The following RTL4 variants were observed in gnomAD, a reference collection of about 807,000 sequenced individuals.
The protein encoded by RTL4 is retrotransposon Gag-like protein 4.
In RTL4, 4 loss-of-function variants were observed where a neutral mutation model predicts 5.3. The observed-to-expected ratio is 0.75, with a 90% confidence interval of 0.37 to 1.72. RTL4 has a LOEUF of 1.72. Ranked by LOEUF, RTL4 falls within the 40% of genes most tolerant of loss-of-function variation. RTL4 has a pLI of 0.04. For missense variants in RTL4, 260 were observed against 227.1 expected, an observed-to-expected ratio of 1.14 and a Z score of -0.93; for synonymous variants, 98 against 87.3, an observed-to-expected ratio of 1.12 and a Z score of -0.68.
At chrX:112,114,375 G>A in the RTL4 span, among the ~76,000 whole-genome samples, 458 of 111,549 alleles carry the variant, frequency 4.1e-3, 1 homozygote, top group Non-Finnish European at 5.1e-3. Context: ...CTAAGATACC[G>A]GGTATCTCCA....
the RTL4 span, among the ~76,000 whole-genome samples, chrX:112,099,873 G>A: frequency 9.0e-6 from 1 of 111,551 alleles, no homozygotes; most frequent in Non-Finnish European, 1.9e-5. Flanking sequence ...AAGAAAATTT[G>A]CGATACATAT....
chrX:112,124,016 G>C, the RTL4 span, among the ~76,000 whole-genome samples: 3 of 110,989 alleles, frequency 2.7e-5, no homozygotes, highest in Non-Finnish European at 5.7e-5. Flanking sequence ...TAAAAAAGTG[G>C]GCAAAGGATA....
At chrX:112,125,126 G>A in the RTL4 span, among the ~76,000 whole-genome samples, 3 of 106,470 alleles carry the variant, frequency 2.8e-5, no homozygotes, top group Non-Finnish European at 5.8e-5. Context: ...GGCTGGTCTC[G>A]AACTCCTGAT....
chrX:112,270,772 G>A, the RTL4 span, among the ~76,000 whole-genome samples: 1 of 110,514 alleles, frequency 9.0e-6, no homozygotes, highest in Admixed American at 9.8e-5. Flanking sequence ...GAAGGAGGGT[G>A]CATCCAAAGT....
At chrX:112,444,228 C>T in the RTL4 span, among the ~76,000 whole-genome samples, 1 of 111,621 alleles carries the variant, frequency 9.0e-6, no homozygotes, top group African/African-American at 3.2e-5. Context: ...GTTCCTGGCA[C>T]ATTTGTGAAA....
At chrX:112,120,407 G>T in the RTL4 span, among the ~76,000 whole-genome samples, 2 of 111,211 alleles carry the variant, frequency 1.8e-5, no homozygotes, top group Admixed American at 1.9e-4. Flanking sequence ...CTCCCAAGTA[G>T]CTGGGACTAC....
chrX:112,127,808 A>G, the RTL4 span, among the ~76,000 whole-genome samples: 1 of 112,106 alleles, frequency 8.9e-6, no homozygotes, highest in Non-Finnish European at 1.9e-5. Context: ...TTAAGAAAAT[A>G]ATTCAATTTA....
chrX:112,301,672 A>G, the RTL4 span, among the ~76,000 whole-genome samples: 1 of 110,974 alleles, frequency 9.0e-6, no homozygotes, highest in Admixed American at 9.6e-5. Context: ...AGCTAAAAGC[A>G]TTAGCTTTGG....
At chrX:112,447,172 C>A in the RTL4 span, among the ~76,000 whole-genome samples, 12 of 111,871 alleles carry the variant, frequency 1.1e-4, no homozygotes, top group Non-Finnish European at 2.3e-4. Flanking sequence ...AAGTCACTTG[C>A]TCCATACCAA....
the RTL4 span, among the ~76,000 whole-genome samples, chrX:112,227,120 C>T: frequency 3.8e-4 from 42 of 110,937 alleles, 1 homozygote; most frequent in Non-Finnish European, 1.3e-4. Context: ...GGTGATTCAG[C>T]CTCACCCCAA....
the RTL4 span, among the ~76,000 whole-genome samples, chrX:112,445,107 A>T: frequency 9.0e-6 from 1 of 111,560 alleles, no homozygotes; most frequent in Non-Finnish European, 1.9e-5. Flanking sequence ...GAAGGGCTTT[A>T]CAAAGGGGTC....
the RTL4 span, among the ~76,000 whole-genome samples, chrX:112,368,809 G>T: frequency 8.9e-6 from 1 of 112,057 alleles, no homozygotes; most frequent in East Asian, 2.8e-4. Context: ...TAGGGGATAA[G>T]CCTTAGTGAC....
chrX:112,310,852 A>G, the RTL4 span, among the ~76,000 whole-genome samples: 1 of 89,702 alleles, frequency 1.1e-5, no homozygotes, highest in Admixed American at 1.6e-4. Flanking sequence ...TATAAAATAC[A>G]TTATATATAT....
the RTL4 span, among the ~76,000 whole-genome samples, chrX:112,296,510 G>A: frequency 9.0e-6 from 1 of 110,979 alleles, no homozygotes; most frequent in South Asian, 3.9e-4. Context: ...TGAGCAGTTG[G>A]TCTCAGTATG....
chrX:112,217,694 G>A, the RTL4 span, among the ~76,000 whole-genome samples: 1 of 111,852 alleles, frequency 8.9e-6, no homozygotes, highest in Admixed American at 9.5e-5. Context: ...TCTGCCAATA[G>A]CATATGCACA....
At chrX:112,183,050 A>T in the RTL4 span, among the ~76,000 whole-genome samples, 1 of 112,262 alleles carries the variant, frequency 8.9e-6, no homozygotes, top group African/African-American at 3.2e-5. Context: ...AGAATTTCAT[A>T]TCCAGCCGAA....
the RTL4 span, among the ~76,000 whole-genome samples, chrX:112,356,579 G>GGTGTGTGTGT: frequency 2.5e-3 from 246 of 99,448 alleles, 3 homozygotes; most frequent in African/African-American, 8.9e-3. Flanking sequence ...TTTGTTTTGG[G>GGTGTGTGTGT]GTGTGTGTGT....
chrX:112,409,729 A>G, the RTL4 span, among the ~76,000 whole-genome samples: 1 of 109,057 alleles, frequency 9.2e-6, no homozygotes, highest in East Asian at 2.9e-4. Flanking sequence ...TCGAAAAAAA[A>G]AAAAAATTAA....
At chrX:112,455,273 G>A in exon 1 of RTL4, 1 of 1,211,358 alleles carries the variant, frequency 8.3e-7, no homozygotes, top group South Asian at 1.8e-5. Context: ...AATCAGAGTG[G>A]TCAGTTCGAA....
Sources: gnomAD v4.1 joint callset for allele counts (sites outside exome capture counted in the v4.1 genomes callset) on GRCh38, gnomAD v4.1.1 for gene constraint, MANE v1.5 for transcripts, NCBI Gene and HGNC (gene_info 2026-07-23, HGNC 2026-07-21) for gene names.